The following GRM5 variants were observed in gnomAD, a reference collection of about 807,000 sequenced individuals.
The protein encoded by GRM5 is metabotropic glutamate receptor 5.
A neutral mutation model predicts 83.1 loss-of-function variants in GRM5; 19 were observed. That is an observed-to-expected ratio of 0.23 (90% confidence interval 0.16 to 0.34). The LOEUF is 0.34. GRM5 is among the 10% of genes least tolerant of loss of function. The pLI is 1.00. For missense variants in GRM5, 1,160 were observed against 1,588.3 expected (o/e 0.73, Z 4.58); for synonymous variants, 675 against 633.6 (o/e 1.07, Z -0.98).
At chr11:88,930,956 A>T (rs2135646708) in intron 2 of GRM5, among the ~76,000 whole-genome samples, 1 of 152,260 alleles carries the variant, frequency 6.6e-6, no homozygotes, top group East Asian at 1.9e-4. Flanking sequence ...TTTAAAAAAA[A>T]ATGGGAGATT....
intron 3 of GRM5, among the ~76,000 whole-genome samples, chr11:88,799,989 A>G (rs1216226612): frequency 6.6e-6 from 1 of 152,166 alleles, no homozygotes; most frequent in African/African-American, 2.4e-5. Context: ...GTGAAAAGAG[A>G]AACCAACATC....
chr11:88,951,187 T>C (rs772050845), intron 2 of GRM5, among the ~76,000 whole-genome samples: 22 of 152,350 alleles, frequency 1.4e-4, no homozygotes, highest in Admixed American at 2.0e-4. Flanking sequence ...AAAACTGTGC[T>C]GAATTGAAAC....
chr11:89,002,186 A>T (rs949441450), intron 2 of GRM5, among the ~76,000 whole-genome samples: 5 of 152,218 alleles, frequency 3.3e-5, no homozygotes, highest in Admixed American at 2.6e-4. Context: ...CTAGGCTAAG[A>T]AAAATGTAAC....
At chr11:88,944,027 C>T (rs1938195902) in intron 2 of GRM5, among the ~76,000 whole-genome samples, 1 of 151,972 alleles carries the variant, frequency 6.6e-6, no homozygotes, top group Non-Finnish European at 1.5e-5. Context: ...TAGTGTTTGG[C>T]AGCAAATAGA....
At chr11:88,839,063 A>C (rs1241400979) in intron 3 of GRM5, among the ~76,000 whole-genome samples, 1 of 152,126 alleles carries the variant, frequency 6.6e-6, no homozygotes, top group African/African-American at 2.4e-5. Flanking sequence ...GGTTTCCTCC[A>C]CCTGGACTTT....
intron 4 of GRM5, among the ~76,000 whole-genome samples, chr11:88,641,045 G>T (rs750230336): frequency 3.3e-5 from 5 of 152,028 alleles, no homozygotes; most frequent in Non-Finnish European, 5.9e-5. Flanking sequence ...AGTTTAATTG[G>T]CTCACCGTTC....
At chr11:88,955,053 G>A (rs574432018) in intron 2 of GRM5, among the ~76,000 whole-genome samples, 10 of 152,228 alleles carry the variant, frequency 6.6e-5, no homozygotes, top group South Asian at 2.1e-4. Flanking sequence ...CCTGTCCAAC[G>A]CTTTCACGTG....
intron 3 of GRM5, among the ~76,000 whole-genome samples, chr11:88,726,385 T>C (rs1941682664): frequency 6.6e-6 from 1 of 152,122 alleles, no homozygotes; most frequent in Non-Finnish European, 1.5e-5. Context: ...TATATGGGAC[T>C]ATGTGAAAAG....
At chr11:88,958,513 C>T (rs1399646816) in intron 2 of GRM5, among the ~76,000 whole-genome samples, 1 of 151,864 alleles carries the variant, frequency 6.6e-6, no homozygotes, top group Non-Finnish European at 1.5e-5. Context: ...TCCTCTAAGG[C>T]TTAGGCTTAA....
chr11:88,999,652 A>G (rs573333265), intron 2 of GRM5, among the ~76,000 whole-genome samples: 1 of 152,156 alleles, frequency 6.6e-6, no homozygotes, highest in South Asian at 2.1e-4. Flanking sequence ...ACTGTAAACT[A>G]GTTCAACCAT....
chr11:88,836,422 T>A (rs1590897796), intron 3 of GRM5, among the ~76,000 whole-genome samples: 1 of 152,196 alleles, frequency 6.6e-6, no homozygotes, highest in East Asian at 1.9e-4. Context: ...TATGTATATA[T>A]GTGTGTATAT....
At chr11:88,605,052 T>G (rs1388438031) in intron 4 of GRM5, 88 bp from the exon 5 acceptor site, 2 of 1,071,878 alleles carry the variant, frequency 1.9e-6, no homozygotes, top group African/African-American at 3.1e-5. Flanking sequence ...TACCTGTAAT[T>G]AGAGAATGCA....
At chr11:88,877,595 T>A (rs1180069142) in intron 2 of GRM5, among the ~76,000 whole-genome samples, 2 of 151,918 alleles carry the variant, frequency 1.3e-5, no homozygotes, top group African/African-American at 4.8e-5. Flanking sequence ...GATGTATGGA[T>A]GTATGGCTTG....
chr11:88,677,333 C>T (rs147917756), intron 3 of GRM5, among the ~76,000 whole-genome samples: 15 of 152,192 alleles, frequency 9.9e-5, no homozygotes, highest in African/African-American at 3.4e-4. Flanking sequence ...CTCTGTCAAC[C>T]AGAGTAATTC....
At chr11:88,754,388 T>C (rs1449432616) in intron 3 of GRM5, among the ~76,000 whole-genome samples, 4 of 152,146 alleles carry the variant, frequency 2.6e-5, no homozygotes, top group African/African-American at 9.7e-5. Context: ...TGTTTACCTA[T>C]ATAACGAACC....
intron 3 of GRM5, among the ~76,000 whole-genome samples, chr11:88,720,745 A>G (rs570477955): frequency 2.0e-5 from 3 of 151,878 alleles, no homozygotes; most frequent in Middle Eastern, 3.4e-3. Context: ...GCCCTGTGCA[A>G]AAGCCATTTA....
At chr11:88,576,370 G>A (rs561088698) in intron 7 of GRM5, among the ~76,000 whole-genome samples, 44 of 152,254 alleles carry the variant, frequency 2.9e-4, no homozygotes, top group African/African-American at 1.0e-3. Context: ...CTTTGAAATG[G>A]TAGATTTAGC....
intron 3 of GRM5, among the ~76,000 whole-genome samples, chr11:88,792,072 A>G (rs550065310): frequency 6.6e-6 from 1 of 152,244 alleles, no homozygotes; most frequent in East Asian, 1.9e-4. Context: ...GAATCCCAGG[A>G]ATAAGACTCA....
chr11:88,777,457 C>A (rs988066851), intron 3 of GRM5, among the ~76,000 whole-genome samples: 12 of 152,206 alleles, frequency 7.9e-5, no homozygotes, highest in Admixed American at 7.9e-4. Context: ...CAAAGTCATT[C>A]TATGTCCAGC....
Sources: allele counts gnomAD v4.1 joint callset (sites outside exome capture counted in the v4.1 genomes callset), GRCh38; gene constraint gnomAD v4.1.1; transcripts MANE v1.5; gene names NCBI Gene and HGNC (gene_info 2026-07-23, HGNC 2026-07-21).